EMB: variants seen among roughly 807,000 people sequenced by gnomAD.
The protein encoded by EMB is embigin.
EMB carries 31 observed loss-of-function variants against 41.4 expected under a neutral mutation model. The ratio of observed to expected loss-of-function variants is 0.75; its 90% CI spans 0.56 to 1.01. The LOEUF is 1.01. Among genes scored for constraint, EMB ranks in the 50% least tolerant of loss-of-function variants. EMB has a pLI of 0.00. For synonymous variants in EMB, 137 were observed against 140.4 expected (o/e 0.98, Z 0.17); for missense variants, 379 against 388.3 (o/e 0.98, Z 0.20).
intron 1 of EMB, among the ~76,000 whole-genome samples, chr5:50,438,809 C>G (rs1051895507): frequency 1.3e-5 from 2 of 152,038 alleles, no homozygotes; most frequent in East Asian, 1.9e-4. Context: ...GCTAAAAGAG[C>G]AGAACTTATA....
At chr5:50,401,959 G>A (rs1745169262) in intron 7 of EMB, among the ~76,000 whole-genome samples, 1 of 151,874 alleles carries the variant, frequency 6.6e-6, no homozygotes, top group South Asian at 2.1e-4. Context: ...GATGGTTACT[G>A]CACACCTTCT....
Position 50,399,926 on chromosome 5 carries a change from C to G in EMB, c.912-13G>C. ...ATCATCTGATTTCCTGCACAGAAAA[C>G]AAAAAAGAAAATTACTAAATGCTTA... On this transcript the variant is annotated splice_polypyrimidine_tract_variant and intron_variant, in intron 7 of 8. Transcript: ENST00000303221. 1 of 1,589,622 alleles carries G rather than the reference C, an allele frequency of 6.3e-7. No individual in the cohort carries two copies. The highest frequency in any genetic ancestry group is 1.4e-5 in the African/African-American group (1 of 73,566).
At chr5:50,443,161 C>T (rs1478077452), upstream of EMB, 1 of 152,088 alleles carries the variant, frequency 6.6e-6, no homozygotes, top group Non-Finnish European at 1.5e-5. Context: ...ACTGCCTTCC[C>T]TATATAACTT....
intron 5 of EMB, among the ~76,000 whole-genome samples, chr5:50,403,892 C>T (rs571015419): frequency 3.9e-5 from 6 of 151,944 alleles, no homozygotes; most frequent in South Asian, 4.2e-4. Context: ...AAAGGAAAAT[C>T]GCTCACTCAG....
upstream of EMB, among the ~76,000 whole-genome samples, chr5:50,441,827 TTTTG>T (rs1332662900): frequency 6.6e-6 from 1 of 152,190 alleles, no homozygotes; most frequent in African/African-American, 2.4e-5. Flanking sequence ...TTTACTTTAT[TTTTG>T]TTTGTTAAGC....
chr5:50,427,454 T>C lies in EMB; in HGVS notation c.196+690A>G, dbSNP rs1160288014. 2.6e-5 allele frequency among the ~76,000 whole-genome samples: 4 copies of C among 151,822 alleles called. No homozygotes were observed. In the East Asian group the frequency reaches 7.7e-4, roughly 29 times the overall value. On this transcript the variant is annotated intron_variant, in intron 2 of 8. Coordinates refer to ENST00000303221, the MANE Select transcript of EMB (RefSeq NM_198449.3). ...CTAATGTTTCTAAATTAATGACAAA[T>C]CTTTGTCAAAAACAAATCCAAAGTT...
intron 2 of EMB, among the ~76,000 whole-genome samples, chr5:50,422,643 G>T (rs1400964583): frequency 6.6e-6 from 1 of 152,124 alleles, no homozygotes; most frequent in South Asian, 2.1e-4. Flanking sequence ...AAAGTGAAAG[G>T]TGGAAAAGTA....
At position 50,398,283 on chromosome 5, in the gene EMB, A is replaced by G. The variant is rs1745104008; in HGVS notation, c.*990T>C. On this transcript the variant is annotated 3_prime_UTR_variant, in exon 9 of 9. Coordinates refer to ENST00000303221, the MANE Select transcript of EMB (RefSeq NM_198449.3). ...GTTATATATGCAATAGAAACGAAGT[A>G]TCCTATTTTGGAAGATAAGTCTAAG... is the stretch of plus-strand genomic sequence containing the variant. The G allele has an allele frequency of 1.3e-5, 2 of 152,000 alleles. No homozygotes were observed. Among genetic ancestry groups the G allele is most frequent in the South Asian group, 4.1e-4 (2 of 4,832 alleles). The allele number at this position is 152,000 out of a possible 1,614,324, so 9.4% of individuals were successfully genotyped here.
At chr5:50,440,051 C>T (rs948250652) in intron 1 of EMB, among the ~76,000 whole-genome samples, 7 of 152,120 alleles carry the variant, frequency 4.6e-5, no homozygotes, top group African/African-American at 1.7e-4. Context: ...CACGTAATCC[C>T]TCTGTCAAAG....
intron 2 of EMB, among the ~76,000 whole-genome samples, chr5:50,425,758 G>A (rs1383341215): frequency 4.6e-5 from 5 of 107,966 alleles, no homozygotes; most frequent in African/African-American, 9.4e-5. Flanking sequence ...ATCTCGGCTC[G>A]CTGCAACCTC....
At chr5:50,441,308 G>T, upstream of EMB, 1 of 409,584 alleles carries the variant, frequency 2.4e-6, no homozygotes, top group Non-Finnish European at 4.2e-6. Flanking sequence ...GAGGGGCCCG[G>T]CCGCCTTGCC....
intron 2 of EMB, among the ~76,000 whole-genome samples, chr5:50,426,197 C>A (rs1745608089): frequency 6.6e-6 from 1 of 152,202 alleles, no homozygotes. Flanking sequence ...AGACTGGGCA[C>A]CAAGCTGCCT....
At chr5:50,426,572 T>A (rs1322287819) in intron 2 of EMB, among the ~76,000 whole-genome samples, 1 of 152,210 alleles carries the variant, frequency 6.6e-6, no homozygotes. Flanking sequence ...ATTAACGTAT[T>A]GTATTTGAAT....
At chr5:50,400,410 T>C (rs1308826042) in intron 7 of EMB, among the ~76,000 whole-genome samples, 1 of 151,924 alleles carries the variant, frequency 6.6e-6, no homozygotes. Flanking sequence ...GCATAATGAA[T>C]ACCTTGCCCT....
At chr5:50,435,176 G>C (rs2111867120) in intron 1 of EMB, among the ~76,000 whole-genome samples, 1 of 152,214 alleles carries the variant, frequency 6.6e-6, no homozygotes, top group African/African-American at 2.4e-5. Flanking sequence ...AACATTTCAA[G>C]AACAGAACAT....
chr5:50,402,568 TA>T (rs1224192083), intron 6 of EMB, among the ~76,000 whole-genome samples: 7 of 152,034 alleles, frequency 4.6e-5, no homozygotes, highest in African/African-American at 1.7e-4. Flanking sequence ...AGTTTGTCAT[TA>T]TTTAAATCAT....
intron 2 of EMB, among the ~76,000 whole-genome samples, chr5:50,426,654 A>G (rs1745614777): frequency 6.6e-6 from 1 of 152,204 alleles, no homozygotes; most frequent in Admixed American, 6.5e-5. Context: ...AGAGAAAATA[A>G]TAAGTAACAA....
At chr5:50,422,144 A>T (rs1427615006) in intron 2 of EMB, among the ~76,000 whole-genome samples, 1 of 152,250 alleles carries the variant, frequency 6.6e-6, no homozygotes, top group African/African-American at 2.4e-5. Flanking sequence ...TAATACTAAC[A>T]TGTTAATTAT....
rs1037311368 is a variant in EMB, at chr5:50,430,217, C to T, written c.113-1990G>A. ...AGGCGGGGGTGGATGAGAAGGAAAC[C>T]GCTATTCTACTATATCATCTGTTCT... On this transcript the variant is annotated intron_variant, in intron 1 of 8. Coordinates refer to ENST00000303221, the MANE Select transcript of EMB (RefSeq NM_198449.3). Among the ~76,000 whole-genome samples, 11 of 152,220 alleles carry T rather than the reference C, an allele frequency of 7.2e-5. No individual in the cohort carries two copies. The South Asian group carries it at 1.5e-3, about 20-fold the overall frequency.
Sources: allele counts gnomAD v4.1 joint callset (sites outside exome capture counted in the v4.1 genomes callset), GRCh38; gene constraint gnomAD v4.1.1; transcripts MANE v1.5; gene names NCBI Gene and HGNC (gene_info 2026-07-23, HGNC 2026-07-21).